CAMTA1: variants seen among roughly 807,000 people sequenced by gnomAD.
CAMTA1 encodes the protein calmodulin binding transcription activator 1.
CAMTA1 carries 27 observed loss-of-function variants against 170.9 expected under a neutral mutation model. The observed-to-expected ratio is 0.16, with a 90% CI of 0.12 to 0.22. CAMTA1 has a LOEUF of 0.22. Ranked by LOEUF, CAMTA1 falls within the 10% of genes least tolerant of loss-of-function variation. The pLI, the probability that CAMTA1 is intolerant of heterozygous loss-of-function variation, is 1.00. For synonymous variants in CAMTA1, 833 were observed against 891.5 expected, an observed-to-expected ratio of 0.93 and a Z score of 1.17; for missense variants, 1,619 against 2,217.2, an observed-to-expected ratio of 0.73 and a Z score of 5.42.
intron 3 of CAMTA1, among the ~76,000 whole-genome samples, chr1:6,826,482 ACT>A (rs1647124280): frequency 6.6e-6 from 1 of 152,136 alleles, no homozygotes; most frequent in African/African-American, 2.4e-5. Context: ...ATAGTTTGTT[ACT>A]CTTTCAGCAA....
At chr1:6,875,354 C>T (rs1312344967) in intron 3 of CAMTA1, among the ~76,000 whole-genome samples, 4 of 152,100 alleles carry the variant, frequency 2.6e-5, no homozygotes, top group Admixed American at 6.5e-5. Context: ...TGCAGTGGCG[C>T]GATCTCAGCT....
At chr1:7,423,031 A>G (rs1267549148) in intron 5 of CAMTA1, among the ~76,000 whole-genome samples, 2 of 152,014 alleles carry the variant, frequency 1.3e-5, no homozygotes, top group Admixed American at 6.5e-5. Flanking sequence ...ATTAATCTCA[A>G]TCAGGAGCCG....
At chr1:6,793,468 G>A (rs919765372) in intron 1 of CAMTA1, among the ~76,000 whole-genome samples, 2 of 152,168 alleles carry the variant, frequency 1.3e-5, no homozygotes, top group South Asian at 4.1e-4. Context: ...TGTTCAACAT[G>A]TCTAAGAGAA....
chr1:7,659,853 G>GTT lies in CAMTA1; in HGVS notation c.665-1870_665-1869dup, dbSNP rs141632925. Among the ~76,000 whole-genome samples, 69 of 152,336 alleles carry GTT rather than the reference G, an allele frequency of 4.5e-4. No individual in the cohort carries two copies. The East Asian group carries it at 0.013, about 28-fold the overall frequency. On this transcript the variant is annotated intron_variant, in intron 7 of 22. Transcript: ENST00000303635. ...ACAAAGTGCCAGGCACGTAGATCGTGTTTTCTCCTGGCCAGTTCTCCAGGC... is the reference window on the plus strand; with the variant it reads ...ACAAAGTGCCAGGCACGTAGATCGTGTTTTTTCTCCTGGCCAGTTCTCCAGGC...
intron 6 of CAMTA1, among the ~76,000 whole-genome samples, chr1:7,538,230 A>G (rs1185280547): frequency 1.3e-5 from 2 of 152,214 alleles, no homozygotes; most frequent in African/African-American, 4.8e-5. Context: ...GATGTCATTG[A>G]GTGCAAAGTT....
intron 6 of CAMTA1, among the ~76,000 whole-genome samples, chr1:7,617,205 G>A (rs559330262): frequency 6.6e-6 from 1 of 152,324 alleles, no homozygotes; most frequent in South Asian, 2.1e-4. Context: ...GAATCAAGAT[G>A]ACTGACACAC....
At chr1:7,522,292 A>C (rs1378644188) in intron 6 of CAMTA1, among the ~76,000 whole-genome samples, 2 of 152,138 alleles carry the variant, frequency 1.3e-5, no homozygotes, top group African/African-American at 4.8e-5. Flanking sequence ...TCTGTATATC[A>C]TCTTTGCCGA....
At chr1:7,737,052 G>T (rs1357121074) in intron 14 of CAMTA1, 43 bp downstream of exon 14, 1 of 1,503,526 alleles carries the variant, frequency 6.7e-7, no homozygotes, top group Non-Finnish European at 9.2e-7. Flanking sequence ...TGTTCTTCCA[G>T]TCTGGCATAG....
chr1:7,013,848 A>C (rs953442061), intron 3 of CAMTA1, among the ~76,000 whole-genome samples: 2 of 152,082 alleles, frequency 1.3e-5, no homozygotes, highest in Non-Finnish European at 2.9e-5. Flanking sequence ...AAGGCCTCAA[A>C]CTATCCCATA....
chr1:7,578,055 T>C (rs1263638217), intron 6 of CAMTA1, among the ~76,000 whole-genome samples: 3 of 152,210 alleles, frequency 2.0e-5, no homozygotes, highest in African/African-American at 4.8e-5. Flanking sequence ...TAATCTCACA[T>C]TGTGAGTCCC....
At chr1:7,277,451 G>A (rs1475113394) in intron 5 of CAMTA1, among the ~76,000 whole-genome samples, 2 of 132,854 alleles carry the variant, frequency 1.5e-5, no homozygotes, top group Admixed American at 8.0e-5. Flanking sequence ...ATCTTTCCAA[G>A]CAATGGTGTG....
Position 7,641,144 on chromosome 1 carries a change from C to T in CAMTA1, c.664+591C>T, listed in dbSNP as rs2095757192. On this transcript the variant is annotated intron_variant, in intron 7 of 22. Coordinates refer to ENST00000303635, the MANE Select transcript of CAMTA1 (RefSeq NM_015215.4). This position sits in a 1 kb window ranked among gnomAD's most constrained non-coding sequence, Gnocchi z 4.5. ...TGAGGCAGGGAAGCTGGGGCTGCTCCGTACTTTGTTGCCGTGGCCACAGCT... is the reference window on the plus strand; with the variant it reads ...TGAGGCAGGGAAGCTGGGGCTGCTCTGTACTTTGTTGCCGTGGCCACAGCT... Among the ~76,000 whole-genome samples, 1 of 152,208 alleles carries T rather than the reference C, an allele frequency of 6.6e-6. No individual in the cohort carries two copies. Among genetic ancestry groups the T allele is most frequent in the Admixed American group, 6.5e-5 (1 of 15,288 alleles).
chr1:7,557,157 A>C (rs1329781078), intron 6 of CAMTA1, among the ~76,000 whole-genome samples: 2 of 151,856 alleles, frequency 1.3e-5, no homozygotes, highest in East Asian at 3.9e-4. Flanking sequence ...AAATACAAAA[A>C]ATTAGCGGGG....
intron 5 of CAMTA1, among the ~76,000 whole-genome samples, chr1:7,410,445 G>A (rs1038790471): frequency 1.3e-5 from 2 of 152,256 alleles, no homozygotes; most frequent in Admixed American, 6.5e-5. Flanking sequence ...AGAGTGACAC[G>A]TGGAGCCCAT....
chr1:7,750,998 C>A, intron 19 of CAMTA1: 1 of 712,276 alleles, frequency 1.4e-6, no homozygotes, highest in Non-Finnish European at 2.5e-6. Context: ...TGAAGGCAAC[C>A]CTTAAAGTAA....
chr1:7,728,291 G>C (rs1188101239), intron 11 of CAMTA1, among the ~76,000 whole-genome samples: 1 of 152,218 alleles, frequency 6.6e-6, no homozygotes, highest in Non-Finnish European at 1.5e-5. Context: ...CTTGGCGGGG[G>C]GATGGGCAGG....
At chr1:7,644,422 G>T (rs1166710789) in intron 7 of CAMTA1, among the ~76,000 whole-genome samples, 2 of 152,200 alleles carry the variant, frequency 1.3e-5, no homozygotes, top group African/African-American at 4.8e-5. Context: ...TATGGGTCCT[G>T]CTGCTATGAG....
At chr1:6,846,995 T>C (rs1483177174) in intron 3 of CAMTA1, among the ~76,000 whole-genome samples, 1 of 151,944 alleles carries the variant, frequency 6.6e-6, no homozygotes, top group Non-Finnish European at 1.5e-5. Flanking sequence ...CTTGAGCACA[T>C]GAAGGATGGA....
intron 3 of CAMTA1, among the ~76,000 whole-genome samples, chr1:6,972,760 T>C (rs1476120779): frequency 6.6e-6 from 1 of 152,220 alleles, no homozygotes; most frequent in Non-Finnish European, 1.5e-5. Flanking sequence ...TGAACCTAAT[T>C]GTTTCTTTTA....
Sources: gnomAD v4.1 joint callset for allele counts (sites outside exome capture counted in the v4.1 genomes callset) on GRCh38, gnomAD v4.1.1 for gene constraint, Gnocchi (gnomAD v3.1) non-coding constraint, MANE v1.5 for transcripts, NCBI Gene and HGNC (gene_info 2026-07-23, HGNC 2026-07-21) for gene names.